PACSIN2: variants seen among roughly 807,000 people sequenced by gnomAD.
PACSIN2 encodes the protein protein kinase C and casein kinase substrate in neurons 2.
A neutral mutation model predicts 63.8 loss-of-function variants in PACSIN2; 25 were observed. That is an observed-to-expected ratio of 0.39 (90% CI 0.29 to 0.55). PACSIN2 has a LOEUF of 0.55. Ranked by LOEUF, PACSIN2 falls within the 20% of genes least tolerant of loss-of-function variation. PACSIN2 has a pLI of 0.62. For missense variants in PACSIN2, 518 were observed against 646.9 expected, an observed-to-expected ratio of 0.80 and a Z score of 2.16; for synonymous variants, 255 against 256.2, an observed-to-expected ratio of 1.00 and a Z score of 0.05.
intron 1 of PACSIN2, among the ~76,000 whole-genome samples, chr22:42,974,961 G>A (rs1236748912): frequency 6.6e-6 from 1 of 152,128 alleles, no homozygotes; most frequent in Non-Finnish European, 1.5e-5. Context: ...CTCCTCTGCA[G>A]ACCCAGCTGA....
intron 3 of PACSIN2, among the ~76,000 whole-genome samples, chr22:42,893,108 G>A (rs1293496701): frequency 1.3e-5 from 2 of 152,352 alleles, no homozygotes; most frequent in African/African-American, 2.4e-5. Context: ...AAAATAAACA[G>A]CTCTCAGTGT....
chr22:42,879,627 C>G (rs1413233843), intron 7 of PACSIN2, among the ~76,000 whole-genome samples: 1 of 152,230 alleles, frequency 6.6e-6, no homozygotes, highest in African/African-American at 2.4e-5. Context: ...TCTGAGGCAC[C>G]TGTCCTGAAG....
chr22:42,928,198 A>G (rs1932658539), intron 1 of PACSIN2, among the ~76,000 whole-genome samples: 1 of 152,254 alleles, frequency 6.6e-6, no homozygotes, highest in African/African-American at 2.4e-5. Flanking sequence ...CCGGAGAGGC[A>G]TAGGAGGAAA....
At chr22:42,981,419 C>T (rs1221171132) in intron 1 of PACSIN2, among the ~76,000 whole-genome samples, 78 of 120,476 alleles carry the variant, frequency 6.5e-4, no homozygotes, top group African/African-American at 1.5e-3. Context: ...TCTGCCCGGC[C>T]GCCCCTACTG....
At chr22:42,942,655 T>A (rs1204297519) in intron 1 of PACSIN2, among the ~76,000 whole-genome samples, 2 of 152,240 alleles carry the variant, frequency 1.3e-5, no homozygotes, top group Admixed American at 6.5e-5. Flanking sequence ...CGTCACTTGT[T>A]GAAAAGATTT....
intron 1 of PACSIN2, among the ~76,000 whole-genome samples, chr22:42,991,011 T>C (rs1194285173): frequency 1.3e-5 from 2 of 152,172 alleles, no homozygotes; most frequent in Non-Finnish European, 2.9e-5. Flanking sequence ...ACGGGTTCTA[T>C]ACACAAAGTG....
intron 6 of PACSIN2, among the ~76,000 whole-genome samples, 161 bp from the exon 7 acceptor site, chr22:42,882,465 C>T (rs115541936): frequency 0.018 from 2,673 of 152,238 alleles, 80 homozygotes; most frequent in African/African-American, 0.06. Flanking sequence ...TGGAAGGTCA[C>T]GGGCCGCCAC....
At chr22:42,949,728 GCAGA>G in intron 1 of PACSIN2, among the ~76,000 whole-genome samples, 1 of 151,570 alleles carries the variant, frequency 6.6e-6, no homozygotes, top group East Asian at 1.9e-4. Context: ...ACACACACAG[GCAGA>G]AAGAACCTGT....
chr22:42,961,541 G>A (rs1402375311), intron 1 of PACSIN2, among the ~76,000 whole-genome samples: 2 of 152,100 alleles, frequency 1.3e-5, no homozygotes, highest in African/African-American at 4.8e-5. Flanking sequence ...GTAGGCTGAG[G>A]CAAATGGATT....
intron 1 of PACSIN2, among the ~76,000 whole-genome samples, chr22:42,932,059 A>G (rs1438877246): frequency 6.6e-6 from 1 of 150,492 alleles, no homozygotes; most frequent in African/African-American, 2.4e-5. Flanking sequence ...TTCAACCCTA[A>G]CTCCTCCGCT....
chr22:43,002,026 C>G (rs1203647780), intron 1 of PACSIN2, among the ~76,000 whole-genome samples: 1 of 152,170 alleles, frequency 6.6e-6, no homozygotes, highest in Non-Finnish European at 1.5e-5. Context: ...GGGGAGGGGA[C>G]ATGGTGACAA....
intron 1 of PACSIN2, among the ~76,000 whole-genome samples, chr22:42,939,770 C>T (rs994956922): frequency 1.3e-5 from 2 of 152,198 alleles, no homozygotes; most frequent in African/African-American, 4.8e-5. Context: ...GAGGGAGAGA[C>T]ACTCCCTGGC....
intron 2 of PACSIN2, among the ~76,000 whole-genome samples, chr22:42,906,775 A>G (rs181876545): frequency 6.6e-6 from 1 of 152,358 alleles, no homozygotes; most frequent in Admixed American, 6.5e-5. Flanking sequence ...CAAAATAAGC[A>G]TAAGAACCTT....
intron 1 of PACSIN2, among the ~76,000 whole-genome samples, chr22:42,938,622 G>A (rs541332008): frequency 6.6e-5 from 10 of 152,202 alleles, no homozygotes; most frequent in East Asian, 1.9e-4. Flanking sequence ...TGCATGTTCC[G>A]CAGGACCATT....
intron 1 of PACSIN2, among the ~76,000 whole-genome samples, chr22:42,990,442 C>T (rs1169520687): frequency 6.6e-6 from 1 of 152,180 alleles, no homozygotes; most frequent in Non-Finnish European, 1.5e-5. Context: ...TACCCAGCTC[C>T]TAGCCCCACA....
At chr22:42,877,055 C>T (rs1569206765) in intron 8 of PACSIN2, 45 bp from the exon 9 acceptor site, 1 of 1,606,796 alleles carries the variant, frequency 6.2e-7, no homozygotes. Context: ...TCTGCAGGGG[C>T]CCGTGAGGGT....
At chr22:42,950,002 A>C (rs1013582351) in intron 1 of PACSIN2, among the ~76,000 whole-genome samples, 2 of 152,220 alleles carry the variant, frequency 1.3e-5, no homozygotes, top group Non-Finnish European at 2.9e-5. Flanking sequence ...CCTGCGGTCC[A>C]GGAGCTCACA....
chr22:42,989,865 A>AT (rs1555946181), intron 1 of PACSIN2, among the ~76,000 whole-genome samples: 10 of 109,458 alleles, frequency 9.1e-5, no homozygotes, highest in Admixed American at 6.9e-4. Context: ...GGGGGAAAAA[A>AT]AAATATATAT....
At chr22:42,909,258 C>A (rs1931290074) in intron 2 of PACSIN2, among the ~76,000 whole-genome samples, 1 of 152,190 alleles carries the variant, frequency 6.6e-6, no homozygotes, top group Non-Finnish European at 1.5e-5. Flanking sequence ...CAGCCAAAGG[C>A]TCCTGGAGGA....
Sources: allele counts gnomAD v4.1 joint callset (sites outside exome capture counted in the v4.1 genomes callset), GRCh38; gene constraint gnomAD v4.1.1; transcripts MANE v1.5; gene names NCBI Gene and HGNC (gene_info 2026-07-23, HGNC 2026-07-21).